PDCD11: variants seen among roughly 807,000 people sequenced by gnomAD.
PDCD11 encodes protein RRP5 homolog.
In PDCD11, 97 loss-of-function variants were observed where a neutral mutation model predicts 198.9. That is an observed-to-expected ratio of 0.49 (90% confidence interval 0.41 to 0.58). The LOEUF (loss-of-function observed/expected upper bound fraction) is 0.58, where lower values mean the gene tolerates loss of function less well. Ranked by LOEUF, PDCD11 falls within the 20% of genes least tolerant of loss-of-function variation. PDCD11 has a pLI of 0.00. For missense variants in PDCD11, 2,102 were observed against 2,312.7 expected (o/e 0.91, Z 1.87); for synonymous variants, 893 against 918.0 (o/e 0.97, Z 0.49).
chr10:103,434,682 C>T (rs2032076044), intron 24 of PDCD11, 116 bp from the exon 25 acceptor site: 1 of 792,680 alleles, frequency 1.3e-6, no homozygotes, highest in African/African-American at 1.7e-5. Context: ...GATCACTCAG[C>T]CCAGATACCC....
intron 6 of PDCD11, among the ~76,000 whole-genome samples, chr10:103,406,402 T>G (rs2030451710): frequency 6.6e-6 from 1 of 152,182 alleles, no homozygotes; most frequent in Non-Finnish European, 1.5e-5. Context: ...GGCTTGTGTA[T>G]TTTTGTGTGG....
chr10:103,427,371 G>A lies in PDCD11; in HGVS notation c.3348G>A (p.Pro1116=), dbSNP rs2031741711. 3.7e-6 allele frequency: 6 copies of A among 1,612,118 alleles called. No individual in the cohort carries two copies. Among genetic ancestry groups the A allele is most frequent in the Non-Finnish European group, 4.2e-6 (5 of 1,179,046 alleles). Residue 1116 remains proline (P), a synonymous_variant, in exon 21 of 36, where the codon CCG becomes CCA. Coordinates refer to ENST00000369797, the MANE Select transcript of PDCD11 (RefSeq NM_014976.2). ...ISHPRFVRTI[P]ELSVRPSELE... is the part of the protein sequence containing the mutation. ...ACCCCAGATTCGTTCGAACCATCCC[G>A]GAGCTGAGTGTTCGGCCAAGGTGAG...
Position 103,445,657 on chromosome 10 carries a change from C to A in PDCD11, c.*108C>A. ...ACCTCAGGACTCTATTTAAATGCTGCTTTTTCTGCAGCACGCTTGGGGAAA... is the reference window on the plus strand; with the variant it reads ...ACCTCAGGACTCTATTTAAATGCTGATTTTTCTGCAGCACGCTTGGGGAAA... On this transcript the variant is annotated 3_prime_UTR_variant, in exon 36 of 36. Coordinates refer to ENST00000369797, the MANE Select transcript of PDCD11 (RefSeq NM_014976.2). 2.4e-6 allele frequency: 2 copies of A among 850,264 alleles called. No homozygotes were observed. The highest frequency in any genetic ancestry group is 3.6e-6 in the Non-Finnish European group (2 of 553,262). The allele number at this position is 850,264 out of a possible 1,614,324, so 52.7% of individuals were successfully genotyped here.
chr10:103,423,034 C>G lies in PDCD11; in HGVS notation c.2544C>G (p.Phe848Leu), dbSNP rs755903329. ...TGGCCGAGATGACCCCAGGAATGTT[C>G]CTTGACCTAGTGGTGCAGGAGGTGT... The part of the protein sequence containing the change: ...QTLAEMTPGM[F>L]LDLVVQEVLE... The change falls in exon 18 of 36, where the codon TTC becomes TTG. Residue 848 changes from phenylalanine to leucine, a missense_variant. By Grantham distance (22) the Phe-to-Leu change is conservative. Transcript: ENST00000369797. 2 of 1,603,132 alleles carry G rather than the reference C, an allele frequency of 1.2e-6. No individual in the cohort carries two copies. Among genetic ancestry groups the G allele is most frequent in the Admixed American group, 1.7e-5 (1 of 58,522 alleles).
At chr10:103,410,856 A>T (rs966128493) in intron 8 of PDCD11, among the ~76,000 whole-genome samples, 2 of 151,758 alleles carry the variant, frequency 1.3e-5, no homozygotes, top group Admixed American at 6.6e-5. Context: ...TGGGAGGATC[A>T]CAAGGTCAGG....
At chr10:103,436,681 T>C (rs1005305587) in intron 25 of PDCD11, among the ~76,000 whole-genome samples, 32 of 152,176 alleles carry the variant, frequency 2.1e-4, no homozygotes, top group African/African-American at 3.9e-4. Flanking sequence ...GCTTAGATAA[T>C]GAGGTTGTGG....
intron 10 of PDCD11, 23 bp from the exon 11 acceptor site, chr10:103,414,247 T>G: frequency 6.2e-7 from 1 of 1,609,880 alleles, no homozygotes. Context: ...TTTATTTAAT[T>G]CTGTGTTTTC....
At chr10:103,437,933 C>A in intron 25 of PDCD11, 82 bp from the exon 26 acceptor site, 1 of 1,103,636 alleles carries the variant, frequency 9.1e-7, no homozygotes, top group Non-Finnish European at 1.4e-6. Flanking sequence ...TATTCGTCAG[C>A]CTGGAGGAGA....
At position 103,444,638 on chromosome 10, in the gene PDCD11, C is replaced by T; in HGVS notation, c.5400C>T (p.Val1800=). 6.2e-7 allele frequency: 1 copy of T among 1,614,160 alleles called. No homozygotes were observed. The highest frequency in any genetic ancestry group is 1.1e-5 in the South Asian group (1 of 91,064). Residue 1800 remains valine, a synonymous_variant, in exon 35 of 36, where the codon GTC becomes GTT. Transcript: ENST00000369797. The part of the protein sequence containing the change: ...TYPKRTDVWS[V]YIDMTIKHGS... ...CAAAGCGCACAGATGTCTGGTCGGT[C>T]TATATCGACATGACCATCAAGCACG... is the stretch of plus-strand genomic sequence containing the variant.
At chr10:103,436,914 T>C (rs1176130529) in intron 25 of PDCD11, among the ~76,000 whole-genome samples, 1 of 152,180 alleles carries the variant, frequency 6.6e-6, no homozygotes, top group Non-Finnish European at 1.5e-5. Flanking sequence ...TTAGATGAAA[T>C]GTTTAGAGAT....
Position 103,428,689 on chromosome 10 carries a change from C to T in PDCD11, c.3368+1298C>T, listed in dbSNP as rs2031802438. 2.0e-5 allele frequency among the ~76,000 whole-genome samples: 3 copies of T among 152,124 alleles called. No homozygotes were observed. The South Asian group carries it at 6.2e-4, about 32-fold the overall frequency. On this transcript the variant is annotated intron_variant, in intron 21 of 35. Coordinates refer to ENST00000369797, the MANE Select transcript of PDCD11 (RefSeq NM_014976.2). ...GATGAGTCAGTGAACTCTGTGGGAA[C>T]ACTGAGATCCTAAATGGTTTTTGAT...
intron 20 of PDCD11, among the ~76,000 whole-genome samples, chr10:103,425,758 C>T (rs747919285): frequency 6.6e-6 from 1 of 152,022 alleles, no homozygotes; most frequent in Admixed American, 6.6e-5. Context: ...CGCCTCACTG[C>T]AAGCTCTGCC....
At position 103,413,152 on chromosome 10, in the gene PDCD11, A is replaced by G. The variant is rs2030902499; in HGVS notation, c.1015A>G (p.Arg339Gly). The G allele has an allele frequency of 1.2e-6, 2 of 1,614,142 alleles. No homozygotes were observed. Among genetic ancestry groups the G allele is most frequent in the African/African-American group, 1.3e-5 (1 of 75,026 alleles). ...CATCCTTTGCGTCCATCCTCGAACC[A>G]GAGTTGTGCACCTGAGCCTGCGCCC... ...ACILCVHPRT[R>G]VVHLSLRPIF... is the part of the protein sequence containing the mutation. Residue 339 changes from arginine to glycine, a missense_variant, in exon 9 of 36, where the codon AGA becomes GGA. Physicochemically the swap from Arg to Gly is moderately radical, Grantham distance 125. Transcript: ENST00000369797.
intron 7 of PDCD11, among the ~76,000 whole-genome samples, chr10:103,407,899 A>G (rs192562769): frequency 2.0e-5 from 3 of 151,642 alleles, no homozygotes; most frequent in East Asian, 3.9e-4. Context: ...TTGTGTTTTT[A>G]GTAGAGACAG....
chr10:103,443,809 G>A, intron 33 of PDCD11, 106 bp from the exon 34 acceptor site: 2 of 1,132,640 alleles, frequency 1.8e-6, no homozygotes, highest in South Asian at 1.4e-5. Flanking sequence ...AGAGTGATTT[G>A]GTGTCTGGGA....
intron 19 of PDCD11, among the ~76,000 whole-genome samples, chr10:103,423,967 ATGCCCAGCCCCTGTGGGGCTGAGAC>A (rs2031572743): frequency 6.6e-6 from 1 of 152,176 alleles, no homozygotes. Context: ...TGGAGAGTGC[ATGCCCAGCCCCTGTGGGGCTGAGAC>A]TGTTCAGTCC....
At chr10:103,435,202 A>G (rs1253926767) in intron 25 of PDCD11, among the ~76,000 whole-genome samples, 1 of 152,062 alleles carries the variant, frequency 6.6e-6, no homozygotes. Flanking sequence ...TATATAAATA[A>G]TAGAATATCA....
At chr10:103,423,522 C>A in intron 18 of PDCD11, 21 bp from the exon 19 acceptor site, 1 of 1,523,746 alleles carries the variant, frequency 6.6e-7, no homozygotes, top group Non-Finnish European at 9.1e-7. Context: ...AGGATAATCA[C>A]ACTGTGGTTC....
intron 15 of PDCD11, 102 bp downstream of exon 15, chr10:103,418,736 A>G: frequency 2.0e-6 from 2 of 981,424 alleles, no homozygotes; most frequent in Non-Finnish European, 3.0e-6. Flanking sequence ...CCTCAGAAAT[A>G]TCTCCACAAA....
Sources: allele counts gnomAD v4.1 joint callset (sites outside exome capture counted in the v4.1 genomes callset), GRCh38; gene constraint gnomAD v4.1.1; transcripts MANE v1.5; gene names NCBI Gene and HGNC (gene_info 2026-07-23, HGNC 2026-07-21).